RRAS2: variants seen among roughly 807,000 people sequenced by gnomAD.
RRAS2 encodes the protein ras-related protein R-Ras2.
RRAS2 carries 7 observed loss-of-function variants against 27.6 expected under a neutral mutation model. The observed-to-expected ratio is 0.25, with a 90% CI of 0.14 to 0.48. RRAS2 has a LOEUF of 0.48. RRAS2 is among the 20% of genes least tolerant of loss of function. The pLI is 0.99. For synonymous variants in RRAS2, 86 were observed against 90.9 expected (o/e 0.95, Z 0.31); for missense variants, 178 against 256.2 (o/e 0.69, Z 2.08).
chr11:14,317,160 G>A lies in RRAS2; in HGVS notation c.109-21305C>T, dbSNP rs569476756. Among the ~76,000 whole-genome samples the A allele has an allele frequency of 1.2e-4, 19 of 152,316 alleles. No individual in the cohort carries two copies. The South Asian group carries it at 3.9e-3, about 32-fold the overall frequency. On this transcript the variant is annotated intron_variant, in intron 1 of 5. Coordinates refer to ENST00000256196, the MANE Select transcript of RRAS2 (RefSeq NM_012250.6). The stretch of plus-strand genomic sequence containing the variant: ...CTGCTACCCTTATAGGTGTTGGGTG[G>A]AGTTCCACAGATTCTCAATCATCCA...
intron 4 of RRAS2, among the ~76,000 whole-genome samples, chr11:14,285,372 G>C (rs571641241): frequency 3.9e-5 from 6 of 152,044 alleles, no homozygotes; most frequent in Non-Finnish European, 8.8e-5. Context: ...AACACAGTGA[G>C]AACCCGTCTC....
chr11:14,318,785 T>C (rs1360465933), intron 1 of RRAS2, among the ~76,000 whole-genome samples: 1 of 152,214 alleles, frequency 6.6e-6, no homozygotes, highest in African/African-American at 2.4e-5. Flanking sequence ...AGTCCCCACT[T>C]TGGACTATTG....
At position 14,359,155 on chromosome 11, in the gene RRAS2, G is replaced by T. The variant is rs1315368768; in HGVS notation, c.-285C>A. On this transcript the variant is annotated 5_prime_UTR_variant, in exon 1 of 6. The change creates a new upstream start codon in the 5' untranslated region. Coordinates refer to ENST00000256196, the MANE Select transcript of RRAS2 (RefSeq NM_012250.6). Reference sequence around the variant, plus strand: ...GTCTCCGCAGCGCCTGCCGAACGCAGCCTCCAGCGCCGCCACAAATGGCCG... The same window carrying T: ...GTCTCCGCAGCGCCTGCCGAACGCATCCTCCAGCGCCGCCACAAATGGCCG... The T allele has an allele frequency of 2.0e-6, 2 of 1,010,538 alleles. No individual in the cohort carries two copies. The highest frequency in any genetic ancestry group is 1.2e-6 in the Non-Finnish European group (1 of 847,964). 62.6% of individuals were successfully genotyped at this position (1,010,538 alleles called of 1,614,324 possible).
intron 1 of RRAS2, among the ~76,000 whole-genome samples, chr11:14,352,294 T>C (rs1198540412): frequency 6.6e-6 from 1 of 152,210 alleles, no homozygotes; most frequent in Non-Finnish European, 1.5e-5. Flanking sequence ...TTCAGTGCTA[T>C]GCAACAAATA....
At chr11:14,294,353 A>T in intron 4 of RRAS2, 118 bp downstream of exon 4, 1 of 624,048 alleles carries the variant, frequency 1.6e-6, no homozygotes, top group Non-Finnish European at 2.7e-6. Flanking sequence ...ATAAACACTT[A>T]AGTGGCATGG....
At chr11:14,360,367 C>A (rs1213948427), upstream of RRAS2, among the ~76,000 whole-genome samples, 1 of 152,066 alleles carries the variant, frequency 6.6e-6, no homozygotes, top group South Asian at 2.1e-4. Context: ...AAATACCCAT[C>A]CAGGCCAGCC....
At chr11:14,322,309 G>A (rs983901115) in intron 1 of RRAS2, among the ~76,000 whole-genome samples, 21 of 151,736 alleles carry the variant, frequency 1.4e-4, no homozygotes, top group Non-Finnish European at 4.4e-5. Flanking sequence ...GCATGGTGGT[G>A]CACACCTGTA....
upstream of RRAS2, among the ~76,000 whole-genome samples, chr11:14,361,997 C>T (rs968083106): frequency 6.6e-6 from 1 of 152,160 alleles, no homozygotes; most frequent in African/African-American, 2.4e-5. Context: ...CAAAAGACCA[C>T]ATATTATATA....
intron 1 of RRAS2, among the ~76,000 whole-genome samples, chr11:14,334,451 A>G (rs1848549686): frequency 6.6e-6 from 1 of 152,074 alleles, no homozygotes; most frequent in South Asian, 2.1e-4. Flanking sequence ...CCATTAAGTT[A>G]TATATATAAT....
At chr11:14,280,683 A>G (rs1849503029) in intron 5 of RRAS2, among the ~76,000 whole-genome samples, 1 of 137,700 alleles carries the variant, frequency 7.3e-6, no homozygotes. Flanking sequence ...CCGAGATCAC[A>G]CCACTGCACT....
chr11:14,296,001 T>A (rs1460597173), intron 1 of RRAS2, 146 bp from the exon 2 acceptor site: 1 of 552,544 alleles, frequency 1.8e-6, no homozygotes, highest in Non-Finnish European at 3.0e-6. Context: ...AGCAAGACTC[T>A]TATCTCTTAA....
chr11:14,300,133 G>T (rs1847660308), intron 1 of RRAS2, among the ~76,000 whole-genome samples: 2 of 152,176 alleles, frequency 1.3e-5, no homozygotes, highest in African/African-American at 4.8e-5. Flanking sequence ...GCTCAAAAGA[G>T]TACACTGAGG....
intron 1 of RRAS2, among the ~76,000 whole-genome samples, chr11:14,353,307 C>A (rs1286249533): frequency 2.0e-5 from 3 of 152,092 alleles, no homozygotes; most frequent in African/African-American, 7.2e-5. Context: ...TATTCTTGAC[C>A]TACTCAACAA....
intron 1 of RRAS2, among the ~76,000 whole-genome samples, chr11:14,337,705 C>T (rs747443772): frequency 2.2e-4 from 33 of 152,122 alleles, no homozygotes; most frequent in Non-Finnish European, 4.3e-4. Context: ...GGGTTCAATA[C>T]TATCCACAGT....
At chr11:14,349,355 G>A (rs1386657556) in intron 1 of RRAS2, among the ~76,000 whole-genome samples, 16 of 150,054 alleles carry the variant, frequency 1.1e-4, no homozygotes, top group African/African-American at 3.7e-4. Flanking sequence ...TAAAGAGGGG[G>A]GTTTCACTGT....
At chr11:14,294,629 GAATTCA>G in intron 3 of RRAS2, 50 bp from the exon 4 acceptor site, 1 of 1,501,912 alleles carries the variant, frequency 6.7e-7, no homozygotes, top group Non-Finnish European at 9.1e-7. Flanking sequence ...TCAAGTATCA[GAATTCA>G]GCAAGTCTCA....
chr11:14,281,742 T>G, intron 4 of RRAS2, 22 bp from the exon 5 acceptor site: 1 of 1,541,218 alleles, frequency 6.5e-7, no homozygotes, highest in Non-Finnish European at 8.8e-7. Flanking sequence ...ACAGTTATGT[T>G]TATGGTACAT....
chr11:14,351,803 G>A (rs1848958827), intron 1 of RRAS2, among the ~76,000 whole-genome samples: 1 of 150,886 alleles, frequency 6.6e-6, no homozygotes. Flanking sequence ...GCTGAGGCAG[G>A]AGAATGCCTT....
At chr11:14,344,270 A>G (rs1185624040) in intron 1 of RRAS2, among the ~76,000 whole-genome samples, 1 of 152,198 alleles carries the variant, frequency 6.6e-6, no homozygotes, top group Non-Finnish European at 1.5e-5. Context: ...AAACATCTGC[A>G]ACTCGTCATT....
Sources: allele counts gnomAD v4.1 joint callset (sites outside exome capture counted in the v4.1 genomes callset), GRCh38; gene constraint gnomAD v4.1.1; transcripts MANE v1.5; gene names NCBI Gene and HGNC (gene_info 2026-07-23, HGNC 2026-07-21).